ZFYVE9: variants seen among roughly 807,000 people sequenced by gnomAD.
ZFYVE9 encodes the protein zinc finger FYVE-type containing 9, also known as zinc finger FYVE domain-containing protein 9.
Under a neutral mutation model 126.7 loss-of-function variants are expected in ZFYVE9, and 43 were observed. The ratio of observed to expected loss-of-function variants is 0.34; its 90% CI spans 0.27 to 0.44. ZFYVE9 has a LOEUF of 0.44. ZFYVE9 is among the 20% of genes least tolerant of loss of function. The probability of loss-of-function intolerance (pLI) is 1.00; values close to 1 mark genes in which losing one functional copy is unlikely to be tolerated. For missense variants in ZFYVE9, 1,476 were observed against 1,697.0 expected (o/e 0.87, Z 2.29); for synonymous variants, 521 against 597.4 (o/e 0.87, Z 1.87).
intron 15 of ZFYVE9, among the ~76,000 whole-genome samples, chr1:52,336,784 G>A (rs1646393669): frequency 6.6e-6 from 1 of 151,846 alleles, no homozygotes; most frequent in Non-Finnish European, 1.5e-5. Context: ...CTTAAATGTT[G>A]TTAAATGATA....
intron 4 of ZFYVE9, chr1:52,252,305 TTTG>T (rs368993801): frequency 0.043 from 6,723 of 156,000 alleles, 164 homozygotes; most frequent in Middle Eastern, 0.14. Context: ...AAAAATTTGT[TTTG>T]TTGTTGTTGT....
At chr1:52,199,965 C>G (rs755853139) in intron 1 of ZFYVE9, among the ~76,000 whole-genome samples, 5 of 150,722 alleles carry the variant, frequency 3.3e-5, no homozygotes, top group Non-Finnish European at 4.4e-5. Context: ...TGCCTGTTTG[C>G]CATCTGTGTA....
intron 4 of ZFYVE9, among the ~76,000 whole-genome samples, chr1:52,251,736 C>T (rs952943367): frequency 6.6e-6 from 1 of 152,196 alleles, no homozygotes; most frequent in Admixed American, 6.5e-5. Context: ...ATTTCCTCCT[C>T]TTCAATTTTT....
At chr1:52,223,583 C>G (rs1259647667) in intron 2 of ZFYVE9, among the ~76,000 whole-genome samples, 1 of 152,070 alleles carries the variant, frequency 6.6e-6, no homozygotes, top group Non-Finnish European at 1.5e-5. Context: ...TTTAACATTC[C>G]TTGTCCCAGT....
Position 52,202,266 on chromosome 1 carries a change from T to G in ZFYVE9, c.-142-14103T>G, listed in dbSNP as rs1644930348. 2.0e-5 allele frequency among the ~76,000 whole-genome samples: 3 copies of G among 151,884 alleles called. No individual in the cohort carries two copies. In the South Asian group the frequency reaches 6.2e-4, roughly 31 times the overall value. The stretch of plus-strand genomic sequence containing the variant: ...ATTCTTTTCTTTACTCCTCCGTAGG[T>G]ATAGTGTTTTTTTGTTTTGTTTTGT... On this transcript the variant is annotated intron_variant, in intron 1 of 18. Transcript: ENST00000287727.
chr1:52,165,824 C>A (rs923793027), intron 1 of ZFYVE9, among the ~76,000 whole-genome samples: 3 of 152,202 alleles, frequency 2.0e-5, no homozygotes, highest in Non-Finnish European at 4.4e-5. Flanking sequence ...TCAGAACAAT[C>A]ATTGAAGAGA....
intron 7 of ZFYVE9, among the ~76,000 whole-genome samples, chr1:52,274,194 C>T (rs1018854414): frequency 2.0e-5 from 3 of 152,110 alleles, no homozygotes; most frequent in South Asian, 4.1e-4. Context: ...GTAAAGGAAG[C>T]TTTAATGCAG....
chr1:52,301,455 G>A (rs563147921), intron 12 of ZFYVE9, among the ~76,000 whole-genome samples: 7 of 151,656 alleles, frequency 4.6e-5, no homozygotes, highest in Non-Finnish European at 1.0e-4. Context: ...GGTACGTGCC[G>A]CTATGCCCAG....
At chr1:52,202,771 C>T (rs1474004636) in intron 1 of ZFYVE9, among the ~76,000 whole-genome samples, 6 of 151,778 alleles carry the variant, frequency 4.0e-5, no homozygotes, top group African/African-American at 7.3e-5. Context: ...CTGCAACCTC[C>T]GCCTCCCAGG....
At chr1:52,325,221 G>A (rs1171254968) in intron 13 of ZFYVE9, among the ~76,000 whole-genome samples, 1 of 152,178 alleles carries the variant, frequency 6.6e-6, no homozygotes, top group Non-Finnish European at 1.5e-5. Flanking sequence ...AGAGCTTGCA[G>A]TGAGGCTGAG....
chr1:52,224,883 A>G (rs960274748), intron 2 of ZFYVE9, among the ~76,000 whole-genome samples: 1 of 151,946 alleles, frequency 6.6e-6, no homozygotes, highest in Admixed American at 6.6e-5. Context: ...CCCTTTTCCC[A>G]CTGGAGGTTT....
At chr1:52,270,597 CAGATATATTAATT>C (rs1452660256) in intron 7 of ZFYVE9, among the ~76,000 whole-genome samples, 3 of 152,048 alleles carry the variant, frequency 2.0e-5, no homozygotes, top group Admixed American at 6.6e-5. Flanking sequence ...TGTGTGTGCA[CAGATATATTAATT>C]TTTAAAATAA....
intron 13 of ZFYVE9, among the ~76,000 whole-genome samples, chr1:52,324,884 C>T (rs1646276192): frequency 6.6e-6 from 1 of 152,174 alleles, no homozygotes; most frequent in South Asian, 2.1e-4. Context: ...CCTGTCGTTC[C>T]AGCACTTTGG....
intron 1 of ZFYVE9, among the ~76,000 whole-genome samples, chr1:52,212,670 ATAAT>A (rs980181347): frequency 3.3e-5 from 5 of 152,224 alleles, no homozygotes; most frequent in African/African-American, 1.2e-4. Flanking sequence ...ACTTAATTAA[ATAAT>A]TAAATCATTC....
chr1:52,213,148 A>G (rs1373792783), intron 1 of ZFYVE9, among the ~76,000 whole-genome samples: 1 of 152,214 alleles, frequency 6.6e-6, no homozygotes, highest in East Asian at 1.9e-4. Flanking sequence ...TGAGAAGCAT[A>G]TTCTCCATGG....
chr1:52,160,508 CTAG>C (rs1171033972), intron 1 of ZFYVE9: 2 of 784,888 alleles, frequency 2.5e-6, no homozygotes, highest in East Asian at 4.8e-5. Flanking sequence ...AGCGGCTACT[CTAG>C]CCACCACGCT....
chr1:52,284,334 C>T (rs888094601), intron 10 of ZFYVE9, among the ~76,000 whole-genome samples: 2 of 151,876 alleles, frequency 1.3e-5, no homozygotes, highest in African/African-American at 4.8e-5. Context: ...GAAGAGACTA[C>T]GGCTGTAGAT....
At chr1:52,316,968 A>G (rs1234893481) in intron 13 of ZFYVE9, among the ~76,000 whole-genome samples, 1 of 152,218 alleles carries the variant, frequency 6.6e-6, no homozygotes, top group African/African-American at 2.4e-5. Flanking sequence ...TAAATGTAAG[A>G]TGATTCAAAT....
chr1:52,214,232 G>C (rs995658271), intron 1 of ZFYVE9, among the ~76,000 whole-genome samples: 7 of 152,132 alleles, frequency 4.6e-5, no homozygotes, highest in African/African-American at 1.7e-4. Flanking sequence ...TTTGAGACCA[G>C]CCTGGGTAAC....
Sources: allele counts gnomAD v4.1 joint callset (sites outside exome capture counted in the v4.1 genomes callset), GRCh38; gene constraint gnomAD v4.1.1; transcripts MANE v1.5; gene names NCBI Gene and HGNC (gene_info 2026-07-23, HGNC 2026-07-21).